Variants in RAD51B observed in about 807,000 individuals in gnomAD.
RAD51B encodes RAD51 paralog B, also known as DNA repair protein RAD51 homolog 2.
Under a neutral mutation model 42.2 loss-of-function variants are expected in RAD51B, and 38 were observed. The observed-to-expected ratio is 0.90, with a 90% CI of 0.70 to 1.18. The LOEUF (loss-of-function observed/expected upper bound fraction) is 1.18. RAD51B is among the 50% of genes most tolerant of loss of function. The pLI, the probability that RAD51B is intolerant of heterozygous loss-of-function variation, is 0.00. For missense variants in RAD51B, 373 were observed against 400.7 expected (o/e 0.93, Z 0.59); for synonymous variants, 154 against 145.2 (o/e 1.06, Z -0.43).
intron 7 of RAD51B, among the ~76,000 whole-genome samples, chr14:68,262,139 G>T (rs2080902853): frequency 2.0e-5 from 3 of 152,140 alleles, no homozygotes; most frequent in Admixed American, 2.0e-4. Flanking sequence ...GTTGCAGCAT[G>T]TGTGTGTGTG....
At chr14:68,294,550 G>A (rs1461506883) in intron 8 of RAD51B, among the ~76,000 whole-genome samples, 1 of 152,208 alleles carries the variant, frequency 6.6e-6, no homozygotes. Flanking sequence ...TAACTGTGGT[G>A]TTAGGCAGGC....
intron 5 of RAD51B, among the ~76,000 whole-genome samples, chr14:67,880,419 G>GT (rs2042868380): frequency 6.6e-6 from 1 of 152,170 alleles, no homozygotes; most frequent in Non-Finnish European, 1.5e-5. Context: ...TTGTACAGAT[G>GT]TTTTTCCTTG....
At chr14:68,541,261 C>T in intron 10 of RAD51B, 1 of 985,422 alleles carries the variant, frequency 1.0e-6, no homozygotes, top group Non-Finnish European at 1.2e-6. Context: ...TGGTTAAGTT[C>T]TTCAAATCTG....
At chr14:68,437,746 G>A (rs755358114) in intron 9 of RAD51B, among the ~76,000 whole-genome samples, 1 of 152,132 alleles carries the variant, frequency 6.6e-6, no homozygotes, top group Non-Finnish European at 1.5e-5. Flanking sequence ...AAGCATACAG[G>A]CAAATAAATA....
At chr14:68,275,840 A>ACACACC (rs780326389) in intron 7 of RAD51B, among the ~76,000 whole-genome samples, 38 of 134,946 alleles carry the variant, frequency 2.8e-4, no homozygotes, top group African/African-American at 8.9e-4. Flanking sequence ...ACACACACAC[A>ACACACC]CCCTTGAATT....
At chr14:68,178,877 T>G (rs1022539865) in intron 7 of RAD51B, among the ~76,000 whole-genome samples, 1 of 152,202 alleles carries the variant, frequency 6.6e-6, no homozygotes, top group Admixed American at 6.5e-5. Flanking sequence ...AAAATCATCT[T>G]TCCCTACTTT....
chr14:68,552,467 T>C (rs980080755), intron 10 of RAD51B, among the ~76,000 whole-genome samples: 2 of 152,168 alleles, frequency 1.3e-5, no homozygotes, highest in Non-Finnish European at 2.9e-5. Context: ...CCCATTCCCT[T>C]TTGAGACACA....
intron 8 of RAD51B, among the ~76,000 whole-genome samples, chr14:68,370,828 A>G (rs2083239178): frequency 6.6e-6 from 1 of 151,870 alleles, no homozygotes; most frequent in South Asian, 2.1e-4. Flanking sequence ...GCAGATCACG[A>G]GGTCAGGAGT....
At chr14:68,389,768 C>T (rs950158389) in intron 8 of RAD51B, among the ~76,000 whole-genome samples, 21 of 152,092 alleles carry the variant, frequency 1.4e-4, no homozygotes, top group African/African-American at 2.7e-4. Context: ...TCATTTTGTC[C>T]GATGTAGATT....
chr14:68,613,719 G>A (rs934717052), downstream of RAD51B, among the ~76,000 whole-genome samples: 74 of 152,106 alleles, frequency 4.9e-4, 1 homozygote, highest in Admixed American at 3.3e-4. Flanking sequence ...CTCCCAAAGT[G>A]CTGGGATTAC....
At chr14:68,020,007 A>G (rs923844957) in intron 7 of RAD51B, among the ~76,000 whole-genome samples, 7 of 152,194 alleles carry the variant, frequency 4.6e-5, no homozygotes, top group African/African-American at 1.7e-4. Context: ...CTTTTGGCTG[A>G]GCATAGTGTA....
chr14:68,591,412 C>T (rs760141870), intron 10 of RAD51B, among the ~76,000 whole-genome samples: 133 of 152,352 alleles, frequency 8.7e-4, no homozygotes, highest in Middle Eastern at 3.4e-3. Context: ...AGGGGAGCCA[C>T]CTCATTGGCT....
chr14:68,283,795 A>G (rs114093186), intron 7 of RAD51B, among the ~76,000 whole-genome samples: 1 of 152,328 alleles, frequency 6.6e-6, no homozygotes, highest in African/African-American at 2.4e-5. Flanking sequence ...CTGCCGGCCC[A>G]CAGTTTCCAC....
At chr14:68,158,084 G>A (rs1420443601) in intron 7 of RAD51B, among the ~76,000 whole-genome samples, 1 of 152,036 alleles carries the variant, frequency 6.6e-6, no homozygotes, top group Non-Finnish European at 1.5e-5. Context: ...CCTAGCTTGT[G>A]GCAGACTATT....
intron 8 of RAD51B, among the ~76,000 whole-genome samples, chr14:68,297,590 A>G (rs1389727891): frequency 1.3e-5 from 2 of 152,132 alleles, no homozygotes; most frequent in Non-Finnish European, 2.9e-5. Flanking sequence ...AACGGGTATG[A>G]GTGGAGTAGT....
At chr14:67,898,537 G>A (rs2043500447) in intron 7 of RAD51B, among the ~76,000 whole-genome samples, 1 of 152,194 alleles carries the variant, frequency 6.6e-6, no homozygotes, top group South Asian at 2.1e-4. Flanking sequence ...GTATACTTAA[G>A]CATTTGTTGA....
chr14:67,998,430 C>G (rs1951409), intron 7 of RAD51B, among the ~76,000 whole-genome samples: 15,417 of 152,180 alleles, frequency 0.1, 1,033 homozygotes, highest in Admixed American at 0.21. Flanking sequence ...TGTAGGAATG[C>G]TATGTTTTCT....
intron 10 of RAD51B, among the ~76,000 whole-genome samples, chr14:68,638,718 G>A (rs187148914): frequency 7.2e-5 from 11 of 152,082 alleles, no homozygotes; most frequent in Admixed American, 5.2e-4. Flanking sequence ...GCAAACCTGC[G>A]CAGCACTGCA....
intron 7 of RAD51B, among the ~76,000 whole-genome samples, chr14:68,143,403 A>G (rs1016498878): frequency 2.6e-5 from 4 of 152,218 alleles, no homozygotes; most frequent in Admixed American, 6.5e-5. Flanking sequence ...CTTATGTGCT[A>G]ATCTCCAAAG....
Sources: gnomAD v4.1 joint callset for allele counts (sites outside exome capture counted in the v4.1 genomes callset) on GRCh38, gnomAD v4.1.1 for gene constraint, MANE v1.5 for transcripts, NCBI Gene and HGNC (gene_info 2026-07-23, HGNC 2026-07-21) for gene names.